Variants in NPEPPS observed in about 807,000 individuals in gnomAD.
NPEPPS encodes puromycin-sensitive aminopeptidase.
A neutral mutation model predicts 115.5 loss-of-function variants in NPEPPS; 14 were observed. The observed-to-expected ratio is 0.12, with a 90% CI of 0.08 to 0.19. The LOEUF (loss-of-function observed/expected upper bound fraction) is 0.19, where lower values mean the gene tolerates loss of function less well. NPEPPS is among the 10% of genes least tolerant of loss of function. The pLI is 1.00. For synonymous variants in NPEPPS, 285 were observed against 390.6 expected, an observed-to-expected ratio of 0.73 and a Z score of 3.19; for missense variants, 523 against 1,110.8, an observed-to-expected ratio of 0.47 and a Z score of 7.52.
At chr17:47,568,171 T>TC (rs1035479389) in intron 2 of NPEPPS, among the ~76,000 whole-genome samples, 1 of 151,230 alleles carries the variant, frequency 6.6e-6, no homozygotes, top group Non-Finnish European at 1.5e-5. Context: ...TTTTTTTTTT[T>TC]TTCTTTTTTT....
intron 1 of NPEPPS, among the ~76,000 whole-genome samples, chr17:47,539,198 T>G (rs1201586602): frequency 1.7e-4 from 25 of 150,906 alleles, no homozygotes. Context: ...GAGTAGTAAA[T>G]TATCTGTGAA....
chr17:47,549,929 T>G (rs1347965817), intron 2 of NPEPPS, among the ~76,000 whole-genome samples: 1 of 151,176 alleles, frequency 6.6e-6, no homozygotes, highest in Non-Finnish European at 1.5e-5. Flanking sequence ...GTTGCTTCTT[T>G]TAATTTTTTT....
At chr17:47,598,102 A>C (rs1912984599) in intron 13 of NPEPPS, among the ~76,000 whole-genome samples, 1 of 152,164 alleles carries the variant, frequency 6.6e-6, no homozygotes, top group Admixed American at 6.6e-5. Flanking sequence ...CTGCATATAG[A>C]CTGACTCTTT....
intron 4 of NPEPPS, chr17:47,581,413 T>A (rs564931231): frequency 2.6e-5 from 4 of 152,174 alleles, no homozygotes; most frequent in Non-Finnish European, 5.9e-5. Context: ...CCAGTTTAGC[T>A]CTAGTATCTG....
At chr17:47,600,805 C>T (rs1194697637) in intron 14 of NPEPPS, among the ~76,000 whole-genome samples, 1 of 152,156 alleles carries the variant, frequency 6.6e-6, no homozygotes, top group Admixed American at 6.5e-5. Flanking sequence ...GATATGACTC[C>T]TCTGTGACGG....
intron 19 of NPEPPS, among the ~76,000 whole-genome samples, chr17:47,614,213 C>G (rs894715806): frequency 6.6e-6 from 1 of 152,132 alleles, no homozygotes. Flanking sequence ...AAGTGATACA[C>G]CCACCTCAGC....
At chr17:47,527,897 A>G (rs1907505625), upstream of NPEPPS, among the ~76,000 whole-genome samples, 1 of 148,628 alleles carries the variant, frequency 6.7e-6, no homozygotes, top group Admixed American at 6.8e-5. Context: ...TGCAGGAGCC[A>G]ATATCATGCC....
chr17:47,606,439 C>T lies in NPEPPS; in HGVS notation c.2095+887C>T, dbSNP rs116850438. On this transcript the variant is annotated intron_variant, in intron 17 of 22. Coordinates refer to ENST00000322157, the MANE Select transcript of NPEPPS (RefSeq NM_006310.4). ...TTTGTAATAAAAATAGTAGCAATACCTAGAGCTCTATGTCTTGTCTTCTTT... is the reference window on the plus strand; with the variant it reads ...TTTGTAATAAAAATAGTAGCAATACTTAGAGCTCTATGTCTTGTCTTCTTT... 2.8e-3 allele frequency among the ~76,000 whole-genome samples: 417 copies of T among 151,368 alleles called. 2 individuals are homozygous for T. The highest frequency in any genetic ancestry group is 4.8e-3 in the Non-Finnish European group (329 of 67,920).
intron 17 of NPEPPS, among the ~76,000 whole-genome samples, chr17:47,609,029 T>A (rs1567869838): frequency 6.6e-6 from 1 of 151,750 alleles, no homozygotes; most frequent in Non-Finnish European, 1.5e-5. Flanking sequence ...GCTGAGAAGA[T>A]CAGAGAAAAG....
intron 18 of NPEPPS, 81 bp downstream of exon 18, chr17:47,612,683 A>C (rs1913948634): frequency 9.0e-7 from 1 of 1,111,620 alleles, no homozygotes; most frequent in African/African-American, 1.8e-5. Flanking sequence ...TTTTTTTTTG[A>C]GACAGAGTCT....
intron 2 of NPEPPS, among the ~76,000 whole-genome samples, chr17:47,553,417 G>A (rs150289819): frequency 6.6e-6 from 1 of 151,010 alleles, no homozygotes; most frequent in African/African-American, 2.4e-5. Context: ...TTTTTCATTT[G>A]TGGTTTTCCC....
At chr17:47,551,968 TTTTTTTTTTTTTC>T (rs1375237986) in intron 2 of NPEPPS, among the ~76,000 whole-genome samples, 1 of 125,820 alleles carries the variant, frequency 7.9e-6, no homozygotes, top group Non-Finnish European at 1.8e-5. Context: ...ATTTCTTTCT[TTTTTTTTTTTTTC>T]TTTTTTTTTT....
intron 2 of NPEPPS, among the ~76,000 whole-genome samples, chr17:47,548,680 A>C (rs1909414361): frequency 6.8e-6 from 1 of 147,246 alleles, no homozygotes; most frequent in Non-Finnish European, 1.5e-5. Context: ...GGGTTCAAGC[A>C]ATTCTTCTGC....
intron 1 of NPEPPS, among the ~76,000 whole-genome samples, chr17:47,523,968 T>G (rs922794550): frequency 1.1e-4 from 16 of 151,866 alleles, no homozygotes; most frequent in Non-Finnish European, 2.2e-4. Flanking sequence ...TGACTGATTG[T>G]TTTTTTTCCT....
At chr17:47,608,742 G>A (rs113295910) in intron 17 of NPEPPS, among the ~76,000 whole-genome samples, 3 of 152,214 alleles carry the variant, frequency 2.0e-5, no homozygotes, top group Non-Finnish European at 4.4e-5. Context: ...CAGTGAGGTA[G>A]AAGGAGAGCC....
intron 2 of NPEPPS, among the ~76,000 whole-genome samples, chr17:47,563,121 T>C (rs866278714): frequency 1.3e-5 from 2 of 150,970 alleles, no homozygotes; most frequent in African/African-American, 4.9e-5. Flanking sequence ...AACCTCCACC[T>C]CCCCGTTTCA....
At chr17:47,583,423 A>G (rs1210052117) in intron 5 of NPEPPS, among the ~76,000 whole-genome samples, 3 of 151,918 alleles carry the variant, frequency 2.0e-5, no homozygotes, top group Non-Finnish European at 2.9e-5. Flanking sequence ...TGTCCTTACT[A>G]AAAATACAAA....
chr17:47,593,983 C>T (rs189356013), intron 12 of NPEPPS, among the ~76,000 whole-genome samples: 38 of 152,204 alleles, frequency 2.5e-4, no homozygotes, highest in Non-Finnish European at 4.7e-4. Flanking sequence ...GCCAAAACCT[C>T]GCTTCTATAA....
At chr17:47,619,259 A>G in intron 21 of NPEPPS, 95 bp downstream of exon 21, 3 of 1,277,718 alleles carry the variant, frequency 2.3e-6, no homozygotes, top group Non-Finnish European at 3.3e-6. Context: ...TTTGCTCTTT[A>G]AATGTTTCCT....
Sources: allele counts gnomAD v4.1 joint callset (sites outside exome capture counted in the v4.1 genomes callset), GRCh38; gene constraint gnomAD v4.1.1; transcripts MANE v1.5; gene names NCBI Gene and HGNC (gene_info 2026-07-23, HGNC 2026-07-21).